Variants in DHX15 observed in about 807,000 individuals in gnomAD.
The protein encoded by DHX15 is DEAH-box helicase 15, also known as ATP-dependent RNA helicase DHX15.
In DHX15, 11 loss-of-function variants were observed where a neutral mutation model predicts 94.4. That is an observed-to-expected ratio of 0.12 (90% CI 0.07 to 0.19). The LOEUF is 0.19. DHX15 is among the 10% of genes least tolerant of loss of function. DHX15 has a pLI of 1.00. For missense variants in DHX15, 304 were observed against 988.5 expected, an observed-to-expected ratio of 0.31 and a Z score of 9.29; for synonymous variants, 338 against 329.9, an observed-to-expected ratio of 1.02 and a Z score of -0.27.
intron 2 of DHX15, among the ~76,000 whole-genome samples, chr4:24,575,440 G>A (rs1047858329): frequency 7.2e-5 from 11 of 152,184 alleles, no homozygotes; most frequent in African/African-American, 2.7e-4. Context: ...TATAAAGACA[G>A]TTACTTCTCA....
chr4:24,549,725 A>G (rs558577313), intron 5 of DHX15, among the ~76,000 whole-genome samples: 5 of 152,346 alleles, frequency 3.3e-5, no homozygotes, highest in South Asian at 2.1e-4. Context: ...ATTGAAGTGA[A>G]TAACAGTAGG....
intron 3 of DHX15, among the ~76,000 whole-genome samples, chr4:24,559,341 T>C (rs77271094): frequency 0.023 from 3,332 of 146,592 alleles, 173 homozygotes; most frequent in East Asian, 0.22. Context: ...ACCTTCAGAA[T>C]TGTGAGAGAA....
chr4:24,557,432 C>G (rs1577342893), intron 3 of DHX15, among the ~76,000 whole-genome samples: 3 of 152,242 alleles, frequency 2.0e-5, no homozygotes, highest in African/African-American at 7.2e-5. Context: ...TTAGTCTAAC[C>G]TAATCTTTCA....
chr4:24,562,431 C>T (rs1186273707), intron 3 of DHX15, among the ~76,000 whole-genome samples: 5 of 152,160 alleles, frequency 3.3e-5, no homozygotes, highest in African/African-American at 1.2e-4. Flanking sequence ...TGCTGCAAGA[C>T]AAAACTGGGT....
chr4:24,559,847 C>T (rs1204906492), intron 3 of DHX15, among the ~76,000 whole-genome samples: 10 of 152,168 alleles, frequency 6.6e-5, no homozygotes. Context: ...TCTGCTCTAA[C>T]AAGTTTTCAA....
intron 6 of DHX15, among the ~76,000 whole-genome samples, chr4:24,547,950 T>TATACAC (rs1560766067): frequency 8.2e-5 from 1 of 12,204 alleles, no homozygotes; most frequent in African/African-American, 4.6e-4. Context: ...TATCTATATC[T>TATACAC]ATATCTATAT....
At chr4:24,535,250 A>G (rs901975488) in intron 11 of DHX15, among the ~76,000 whole-genome samples, 1 of 152,132 alleles carries the variant, frequency 6.6e-6, no homozygotes, top group African/African-American at 2.4e-5. Flanking sequence ...TTTCTATTTT[A>G]TTAGTTGTAT....
chr4:24,538,212 T>C (rs752395971), intron 10 of DHX15: 1 of 152,126 alleles, frequency 6.6e-6, no homozygotes, highest in Admixed American at 6.5e-5. Context: ...ACCTTGTCAA[T>C]GAAAAAATTC....
intron 6 of DHX15, among the ~76,000 whole-genome samples, chr4:24,547,897 G>GTATA (rs869284515): frequency 3.6e-5 from 2 of 55,768 alleles, no homozygotes; most frequent in Admixed American, 2.5e-4. Context: ...CTCTATGTAT[G>GTATA]TATGTGTATA....
intron 4 of DHX15, 127 bp from the exon 5 acceptor site, chr4:24,555,070 T>G (rs1428317481): frequency 3.4e-6 from 2 of 585,294 alleles, no homozygotes; most frequent in African/African-American, 1.9e-5. Flanking sequence ...TCAAATAAAC[T>G]GTAAATGAAA....
intron 3 of DHX15, among the ~76,000 whole-genome samples, chr4:24,569,408 T>C (rs1001470122): frequency 1.3e-5 from 2 of 151,906 alleles, no homozygotes; most frequent in Admixed American, 6.6e-5. Flanking sequence ...CTGGCCAACA[T>C]AGTGAAACCA....
chr4:24,582,449 T>C (rs907708882), intron 1 of DHX15, among the ~76,000 whole-genome samples: 4 of 152,232 alleles, frequency 2.6e-5, no homozygotes, highest in African/African-American at 7.2e-5. Context: ...TTTTAAATGG[T>C]GCACATATGC....
At chr4:24,564,235 A>G (rs1721948174) in intron 3 of DHX15, among the ~76,000 whole-genome samples, 1 of 152,208 alleles carries the variant, frequency 6.6e-6, no homozygotes, top group Non-Finnish European at 1.5e-5. Context: ...TTTTTCTTTC[A>G]ACGTATGTGT....
intron 1 of DHX15, 31 bp from the exon 2 acceptor site, chr4:24,576,709 G>A: frequency 6.2e-7 from 1 of 1,604,134 alleles, no homozygotes; most frequent in Non-Finnish European, 8.5e-7. Context: ...TTCAGATTCT[G>A]AATTTTATGC....
At chr4:24,581,688 G>A (rs1722419477) in intron 1 of DHX15, among the ~76,000 whole-genome samples, 1 of 151,386 alleles carries the variant, frequency 6.6e-6, no homozygotes, top group Admixed American at 6.6e-5. Flanking sequence ...ATAATTAACA[G>A]AAAAAACTCT....
At chr4:24,580,235 C>G (rs543508086) in intron 1 of DHX15, among the ~76,000 whole-genome samples, 3 of 152,054 alleles carry the variant, frequency 2.0e-5, no homozygotes, top group Admixed American at 6.6e-5. Context: ...CAGTGAGACC[C>G]CATCTCTACA....
rs1466454145 is a variant in DHX15, at chr4:24,538,229, T to TA, written c.1787-1057dup. ...CTTGTCAATGAAAAAATTCATAAAT[T>TA]ATCGGTTCGGATAGAAGATAATGGG... is the stretch of plus-strand genomic sequence containing the variant. On this transcript the variant is annotated intron_variant, in intron 10 of 13. Coordinates refer to ENST00000336812, the MANE Select transcript of DHX15 (RefSeq NM_001358.3). The TA allele has an allele frequency of 5.3e-5, 8 of 152,298 alleles. No individual in the cohort carries two copies. In the East Asian group the frequency reaches 1.5e-3, roughly 29 times the overall value. 9.4% of individuals were successfully genotyped at this position (152,298 alleles called of 1,614,324 possible).
intron 13 of DHX15, among the ~76,000 whole-genome samples, chr4:24,529,317 G>A (rs1486959112): frequency 2.0e-5 from 3 of 152,020 alleles, no homozygotes; most frequent in Non-Finnish European, 2.9e-5. Context: ...GGGATTACAG[G>A]TGTGAGCCAC....
At chr4:24,570,887 CTGCATA>C in intron 2 of DHX15, 40 bp from the exon 3 acceptor site, 1 of 1,593,346 alleles carries the variant, frequency 6.3e-7, no homozygotes, top group East Asian at 2.2e-5. Flanking sequence ...TCTATTCTGC[CTGCATA>C]TCAAGTATAT....
Sources: gnomAD v4.1 joint callset for allele counts (sites outside exome capture counted in the v4.1 genomes callset) on GRCh38, gnomAD v4.1.1 for gene constraint, MANE v1.5 for transcripts, NCBI Gene and HGNC (gene_info 2026-07-23, HGNC 2026-07-21) for gene names.